Variants in ZNF25 observed in about 807,000 individuals in gnomAD.
The protein encoded by ZNF25 is zinc finger protein 25 (KOX 19).
In ZNF25, 21 loss-of-function variants were observed where a neutral mutation model predicts 30.9. That is an observed-to-expected ratio of 0.68 (90% CI 0.48 to 0.98). The LOEUF is 0.98. Ranked by LOEUF, ZNF25 falls within the 50% of genes least tolerant of loss-of-function variation. ZNF25 has a pLI of 0.00. For missense variants in ZNF25, 501 were observed against 529.9 expected, an observed-to-expected ratio of 0.95 and a Z score of 0.54; for synonymous variants, 169 against 181.3, an observed-to-expected ratio of 0.93 and a Z score of 0.55.
chr10:37,971,431 T>C (rs975150342), intron 2 of ZNF25, among the ~76,000 whole-genome samples: 1 of 151,908 alleles, frequency 6.6e-6, no homozygotes, highest in Non-Finnish European at 1.5e-5. Flanking sequence ...GTATCAACAG[T>C]GTAAAAGGCA....
chr10:37,956,812 G>A (rs1011137703), intron 4 of ZNF25, among the ~76,000 whole-genome samples: 2 of 151,932 alleles, frequency 1.3e-5, no homozygotes, highest in Non-Finnish European at 2.9e-5. Context: ...CTACTCGGGA[G>A]GCTGAGGGAG....
At chr10:37,963,524 C>T (rs2063007576) in intron 2 of ZNF25, among the ~76,000 whole-genome samples, 1 of 152,100 alleles carries the variant, frequency 6.6e-6, no homozygotes, top group African/African-American at 2.4e-5. Context: ...ATGTGTGTCC[C>T]CTCCAAATTT....
intron 1 of ZNF25, among the ~76,000 whole-genome samples, chr10:37,975,111 G>A (rs11595951): frequency 6.6e-6 from 1 of 152,132 alleles, no homozygotes; most frequent in Non-Finnish European, 1.5e-5. Context: ...GCTGCGAAGG[G>A]AAGTAGGGAG....
chr10:37,973,168 C>CA lies in ZNF25; in HGVS notation c.-85-1362dup, dbSNP rs763901405. 6.9e-3 allele frequency among the ~76,000 whole-genome samples: 848 copies of CA among 123,774 alleles called. 4 individuals carry two copies. Among genetic ancestry groups the CA allele is most frequent in the South Asian group, 0.014 (54 of 3,832 alleles). 81.2% of individuals were successfully genotyped at this position (123,774 alleles called of 152,430 possible). On this transcript the variant is annotated intron_variant, in intron 1 of 5. Coordinates refer to ENST00000302609, the MANE Select transcript of ZNF25 (RefSeq NM_145011.4). ...AGGCAACAAGAGCAAAACTCTATCT[C>CA]AAAAAAAAAAAAAAATCAGTAGCAT...
Position 37,951,925 on chromosome 10 carries a change from T to C in ZNF25, c.*202A>G, listed in dbSNP as rs781617219. 4 of 454,674 alleles carry C rather than the reference T, an allele frequency of 8.8e-6. No homozygotes were observed. The highest frequency in any genetic ancestry group is 1.5e-5 in the Non-Finnish European group (4 of 263,854). The allele number at this position is 454,674 out of a possible 1,614,324, so 28.2% of individuals were successfully genotyped here. ...CTTCTGCCATCTATATTATCTAATA[T>C]TTAGAAAAGCCTAAAATATGATAAA... is the stretch of plus-strand genomic sequence containing the variant. On this transcript the variant is annotated 3_prime_UTR_variant, in exon 6 of 6. Coordinates refer to ENST00000302609, the MANE Select transcript of ZNF25 (RefSeq NM_145011.4).
chr10:37,963,799 AC>A (rs1408891468), intron 2 of ZNF25, among the ~76,000 whole-genome samples: 4 of 152,084 alleles, frequency 2.6e-5, no homozygotes, highest in African/African-American at 9.7e-5. Context: ...ACATGGCGAA[AC>A]CCTGTCTCTA....
intron 5 of ZNF25, 136 bp from the exon 6 acceptor site, chr10:37,953,331 G>C (rs2062298315): frequency 2.5e-6 from 2 of 792,792 alleles, no homozygotes; most frequent in East Asian, 2.7e-5. Context: ...TGGATCCATA[G>C]GGTTTCTCCA....
At chr10:37,956,963 A>G (rs1443885525) in intron 4 of ZNF25, 57 bp downstream of exon 4, 12 of 1,289,070 alleles carry the variant, frequency 9.3e-6, no homozygotes, top group Non-Finnish European at 1.3e-5. Context: ...GTACTTCAGA[A>G]GGCAAGAGGC....
chr10:37,976,480 C>T, intron 1 of ZNF25, 26 bp downstream of exon 1: 1 of 152,396 alleles, frequency 6.6e-6, no homozygotes, highest in Non-Finnish European at 1.5e-5. Context: ...CCAGGCCCTG[C>T]CCGCCCGCAA....
rs2062178019 is a variant in ZNF25 at position 37,952,179 on chromosome 10, T to C, written c.1319A>G (p.Gln440Arg). ...GTGTGTCTTCTGATGTGCAGTGAGT[T>C]GTGACTTCTGGATAAAGGTTTCCCC... ...ECGETFIQKS[Q>R]LTAHQKTHTK... Residue 440 changes from glutamine (Q) to arginine (R), a missense_variant, in exon 6 of 6, where the codon CAA becomes CGA. By Grantham distance (43) the Gln-to-Arg change is conservative (BLOSUM62 1). Transcript: ENST00000302609. The C allele has an allele frequency of 6.2e-7, 1 of 1,607,706 alleles. No individual in the cohort carries two copies. Among genetic ancestry groups the C allele is most frequent in the African/African-American group, 1.3e-5 (1 of 74,598 alleles).
In ZNF25 at chr10:37,953,160, G is replaced by A; in HGVS notation, c.338C>T (p.Thr113Ile). The A allele has an allele frequency of 1.3e-6, 2 of 1,595,248 alleles. No homozygotes were observed. The highest frequency in any genetic ancestry group is 1.7e-6 in the Non-Finnish European group (2 of 1,175,206). The change falls in exon 6 of 6, where the codon ACC (threonine) becomes ATC (isoleucine). Residue 113 changes from threonine (T) to isoleucine (I), a missense_variant. Coordinates refer to ENST00000302609, the MANE Select transcript of ZNF25 (RefSeq NM_145011.4). Reference protein sequence around the residue: ...GELTKHQKTHTTEKACECKEC... With the variant: ...GELTKHQKTHITEKACECKEC... The stretch of plus-strand genomic sequence containing the variant: ...CTTACATTCACAGGCTTTCTCTGTG[G>A]TATGAGTTTTCTGATGTTTTGTGAG...
At chr10:37,971,882 G>T in intron 1 of ZNF25, 75 bp from the exon 2 acceptor site, 2 of 942,484 alleles carry the variant, frequency 2.1e-6, no homozygotes, top group Non-Finnish European at 3.2e-6. Context: ...CCATTAGAAA[G>T]CATAGTAAGG....
In ZNF25 at chr10:37,950,557, G is replaced by A. The variant is rs912169327; in HGVS notation, c.*1570C>T. The A allele has an allele frequency of 5.6e-5, 8 of 144,082 alleles. No individual in the cohort carries two copies. The highest frequency in any genetic ancestry group is 1.2e-4 in the Non-Finnish European group (8 of 64,362). 8.9% of individuals were successfully genotyped at this position (144,082 alleles called of 1,614,324 possible). ...CAAGAAGGTGGGGAATGAATGTTGG[G>A]TAGCCAACATTTTTTTTTTTTTTGC... On this transcript the variant is annotated 3_prime_UTR_variant, in exon 6 of 6. Transcript: ENST00000302609.
In ZNF25 at chr10:37,956,998, G is replaced by A. The variant is rs369832404; in HGVS notation, c.238+22C>T. On this transcript the variant is annotated intron_variant, in intron 4 of 5. Transcript: ENST00000302609. ...CACCAACTACTCACCAGTAACATGG[G>A]ATATAATTTCTTCTAACTCACCAGG... 305 of 1,584,998 alleles carry A rather than the reference G, an allele frequency of 1.9e-4. 2 individuals are homozygous for A. Among genetic ancestry groups the A allele is most frequent in the Middle Eastern group, 1.2e-3 (7 of 5,986 alleles).
In ZNF25 at chr10:37,952,034, C is replaced by T. The variant is rs983992282; in HGVS notation, c.*93G>A. 4.1e-6 allele frequency: 5 copies of T among 1,212,828 alleles called. No homozygotes were observed. Among genetic ancestry groups the T allele is most frequent in the Non-Finnish European group, 5.7e-6 (5 of 880,384 alleles). The allele number at this position is 1,212,828 out of a possible 1,614,324, so 75.1% of individuals were successfully genotyped here. A position where few individuals can be genotyped will look rare whatever the true frequency, so the allele number is the denominator to read the frequency against. On this transcript the variant is annotated 3_prime_UTR_variant, in exon 6 of 6. Transcript: ENST00000302609. ...GCAAAGATTGTAGCTGAAAATTTCC[C>T]TCTATTGATGCGATTCATAAGGTGT...
rs199940380 is a variant in ZNF25 at position 37,953,011 on chromosome 10, T to G, written c.487A>C (p.Arg163=). ...KSFSKNEDLI[R]HQKIHTRDKT... ...TCTCTCGTGTGAATTTTCTGATGTC[T>G]TATGAGGTCTTCATTTTTAGAGAAA... Residue 163 remains arginine (R), a synonymous_variant, in exon 6 of 6, where the codon AGA becomes CGA. Transcript: ENST00000302609. The G allele has an allele frequency of 1.8e-4, 295 of 1,614,044 alleles. 1 individual carries two copies. Among genetic ancestry groups the G allele is most frequent in the Non-Finnish European group, 1.6e-4 (193 of 1,179,996 alleles).
At chr10:37,953,884 C>A in intron 4 of ZNF25, 126 bp from the exon 5 acceptor site, 1 of 871,912 alleles carries the variant, frequency 1.1e-6, no homozygotes, top group Non-Finnish European at 1.8e-6. Flanking sequence ...TTCCTCTAGC[C>A]CATTGTTTTG....
chr10:37,967,429 T>C (rs1418635620), intron 2 of ZNF25, among the ~76,000 whole-genome samples: 2 of 151,964 alleles, frequency 1.3e-5, no homozygotes, highest in Non-Finnish European at 2.9e-5. Context: ...TTCTTTTTTT[T>C]TTTTTTCTGA....
At chr10:37,961,496 G>C (rs1367162117) in intron 2 of ZNF25, among the ~76,000 whole-genome samples, 1 of 151,954 alleles carries the variant, frequency 6.6e-6, no homozygotes, top group Non-Finnish European at 1.5e-5. Flanking sequence ...TTCATTCAAG[G>C]ATGATAAAAA....
Sources: allele counts gnomAD v4.1 joint callset (sites outside exome capture counted in the v4.1 genomes callset), GRCh38; gene constraint gnomAD v4.1.1; transcripts MANE v1.5; gene names NCBI Gene and HGNC (gene_info 2026-07-23, HGNC 2026-07-21).